Variants in ADAMTS12 observed in about 807,000 individuals in gnomAD.
The protein encoded by ADAMTS12 is A disintegrin and metalloproteinase with thrombospondin motifs 12.
A neutral mutation model predicts 167.8 loss-of-function variants in ADAMTS12; 118 were observed. That is an observed-to-expected ratio of 0.70 (90% CI 0.61 to 0.82). The LOEUF (loss-of-function observed/expected upper bound fraction) is 0.82. Ranked by LOEUF, ADAMTS12 falls within the 40% of genes least tolerant of loss-of-function variation. ADAMTS12 has a pLI of 0.00. For synonymous variants in ADAMTS12, 704 were observed against 716.9 expected (o/e 0.98, Z 0.29); for missense variants, 1,916 against 1,998.8 (o/e 0.96, Z 0.79).
At chr5:33,778,758 T>C (rs755834385) in intron 2 of ADAMTS12, among the ~76,000 whole-genome samples, 1 of 152,036 alleles carries the variant, frequency 6.6e-6, no homozygotes, top group Admixed American at 6.6e-5. Flanking sequence ...GAGAAAATAT[T>C]TGCAAATCAG....
intron 2 of ADAMTS12, among the ~76,000 whole-genome samples, chr5:33,817,612 C>G (rs1747712984): frequency 6.6e-6 from 1 of 152,134 alleles, no homozygotes; most frequent in South Asian, 2.1e-4. Context: ...CCACTTCCCC[C>G]AAACCACATC....
chr5:33,876,770 A>T (rs1166916863), intron 2 of ADAMTS12, among the ~76,000 whole-genome samples: 2 of 152,222 alleles, frequency 1.3e-5, no homozygotes, highest in African/African-American at 4.8e-5. Context: ...GTGATGGAAA[A>T]GTGTGTCATC....
chr5:33,612,176 TCAAA>T (rs1419870407), intron 16 of ADAMTS12, among the ~76,000 whole-genome samples: 9 of 152,340 alleles, frequency 5.9e-5, no homozygotes, highest in African/African-American at 2.2e-4. Flanking sequence ...TCGCCCTCAC[TCAAA>T]CAAACAGTGT....
In ADAMTS12 at chr5:33,591,231, T is replaced by C. The variant is rs548013705; in HGVS notation, c.2655-2422A>G. Among the ~76,000 whole-genome samples the C allele has an allele frequency of 6.0e-4, 91 of 152,172 alleles. No individual in the cohort carries two copies. The South Asian group carries it at 0.019, about 31-fold the overall frequency. Reference sequence around the variant, plus strand: ...GTAGAAGGGATGGGTTAGAGACCCTTTGAACCTCTCTTTTATTTTTAAAAG... The same window carrying C: ...GTAGAAGGGATGGGTTAGAGACCCTCTGAACCTCTCTTTTATTTTTAAAAG... On this transcript the variant is annotated intron_variant, in intron 17 of 23. Coordinates refer to ENST00000504830, the MANE Select transcript of ADAMTS12 (RefSeq NM_030955.4).
At chr5:33,680,832 A>G (rs959469789) in intron 5 of ADAMTS12, among the ~76,000 whole-genome samples, 4 of 152,168 alleles carry the variant, frequency 2.6e-5, no homozygotes, top group African/African-American at 7.2e-5. Flanking sequence ...TGAGATTGCT[A>G]AGTTAGATAC....
At position 33,588,753 on chromosome 5, in the gene ADAMTS12, T is replaced by G. The variant is rs568958735; in HGVS notation, c.2711A>C (p.Lys904Thr). 6.2e-7 allele frequency: 1 copy of G among 1,614,062 alleles called. No individual in the cohort carries two copies. Among genetic ancestry groups the G allele is most frequent in the South Asian group, 1.1e-5 (1 of 91,066 alleles). ...CSATCGPHGE[K>T]KRTVLCIQTM... is the part of the protein sequence containing the mutation. Reference sequence around the variant, plus strand: ...CTGGATGCACAGCACGGTTCGCTTCTTCTCCCCGTGGGGCCCGCATGTCGC... The same window carrying G: ...CTGGATGCACAGCACGGTTCGCTTCGTCTCCCCGTGGGGCCCGCATGTCGC... The change falls in exon 18 of 24, where the codon AAG (lysine) becomes ACG (threonine). Residue 904 changes from lysine (K) to threonine (T), a missense_variant. Transcript: ENST00000504830.
intron 2 of ADAMTS12, among the ~76,000 whole-genome samples, chr5:33,771,253 T>C (rs1745728535): frequency 6.6e-6 from 1 of 152,220 alleles, no homozygotes; most frequent in Non-Finnish European, 1.5e-5. Flanking sequence ...CATAACTAGA[T>C]CTTTATTCCT....
At position 33,598,904 on chromosome 5, in the gene ADAMTS12, A is replaced by T. The variant is rs142779123; in HGVS notation, c.2528-2844T>A. 5.1e-3 allele frequency among the ~76,000 whole-genome samples: 779 copies of T among 152,324 alleles called. 5 individuals carry two copies. The highest frequency in any genetic ancestry group is 0.018 in the African/African-American group (745 of 41,566). On this transcript the variant is annotated intron_variant, in intron 16 of 23. Coordinates refer to ENST00000504830, the MANE Select transcript of ADAMTS12 (RefSeq NM_030955.4). ...TGTGTGACTTCAGAGGCCAGATTAG[A>T]AAAGGCCAAGCAACTTCATCTGCTG...
intron 19 of ADAMTS12, among the ~76,000 whole-genome samples, chr5:33,574,528 A>G (rs1161126203): frequency 6.7e-6 from 1 of 149,336 alleles, no homozygotes; most frequent in Non-Finnish European, 1.5e-5. Flanking sequence ...GTTCTCACTC[A>G]TAGATGGGAA....
At chr5:33,627,389 T>G (rs1739710313) in intron 13 of ADAMTS12, among the ~76,000 whole-genome samples, 1 of 148,604 alleles carries the variant, frequency 6.7e-6, no homozygotes, top group Non-Finnish European at 1.5e-5. Flanking sequence ...GTGGTGGGAG[T>G]AGTGGTGGCG....
At chr5:33,747,786 T>C in intron 3 of ADAMTS12, among the ~76,000 whole-genome samples, 1 of 152,138 alleles carries the variant, frequency 6.6e-6, no homozygotes, top group Non-Finnish European at 1.5e-5. Context: ...TGCATTAAGA[T>C]TCCAAATCTC....
rs564755671 is a variant in ADAMTS12 at position 33,625,408 on chromosome 5, C to A, written c.2023-1057G>T. Among the ~76,000 whole-genome samples, 96 of 152,120 alleles carry A rather than the reference C, an allele frequency of 6.3e-4. 1 individual carries two copies. Among genetic ancestry groups the A allele is most frequent in the Non-Finnish European group, 1.1e-3 (78 of 68,022 alleles). ...CTATGAGTAAAATGCCAGCCCTTCA[C>A]AAGCAATATGTTTGCATCAAGCTTG... On this transcript the variant is annotated intron_variant, in intron 13 of 23. Transcript: ENST00000504830.
rs764423821 is a variant in ADAMTS12, at chr5:33,658,300, G to A, written c.1074C>T (p.Cys358=). The A allele has an allele frequency of 2.6e-5, 42 of 1,613,666 alleles. No homozygotes were observed. The highest frequency in any genetic ancestry group is 3.1e-5 in the Non-Finnish European group (36 of 1,179,664). ...AAAGGTGAGACAGGCCCAGGGTCTCGCAGGGGCGATTGAAACCAGCACAGA... is the reference window on the plus strand; with the variant it reads ...AAAGGTGAGACAGGCCCAGGGTCTCACAGGGGCGATTGAAACCAGCACAGA... ...KDICAGFNRP[C]ETLGLSHLSG... The change falls in exon 7 of 24, where the codon TGC becomes TGT. Residue 358 remains cysteine (C), a synonymous_variant. Coordinates refer to ENST00000504830, the MANE Select transcript of ADAMTS12 (RefSeq NM_030955.4).
intron 22 of ADAMTS12, among the ~76,000 whole-genome samples, chr5:33,542,904 G>C (rs1305919076): frequency 1.3e-5 from 2 of 152,114 alleles, no homozygotes; most frequent in African/African-American, 2.4e-5. Context: ...GCCCACAAGA[G>C]AAAGCAGGAA....
chr5:33,852,575 A>G (rs1171839192), intron 2 of ADAMTS12, among the ~76,000 whole-genome samples: 1 of 152,196 alleles, frequency 6.6e-6, no homozygotes, highest in African/African-American at 2.4e-5. Flanking sequence ...AAAATAGTTT[A>G]TTGTCCTCCC....
intron 22 of ADAMTS12, among the ~76,000 whole-genome samples, chr5:33,536,205 C>T (rs1030768087): frequency 1.3e-5 from 2 of 152,130 alleles, no homozygotes; most frequent in African/African-American, 2.4e-5. Context: ...GGCACAATCT[C>T]GGCTCACTGC....
intron 2 of ADAMTS12, among the ~76,000 whole-genome samples, chr5:33,832,123 T>G (rs767971586): frequency 2.6e-5 from 4 of 152,216 alleles, no homozygotes; most frequent in African/African-American, 9.6e-5. Flanking sequence ...ATCTGATAGA[T>G]TCACACGAAA....
intron 2 of ADAMTS12, among the ~76,000 whole-genome samples, chr5:33,760,057 G>A (rs12054731): frequency 0.37 from 55,513 of 151,950 alleles, 11,377 homozygotes; most frequent in East Asian, 0.58. Context: ...CGTGAGACCC[G>A]GGAATCTGCA....
At chr5:33,725,874 G>T (rs1191468444) in intron 3 of ADAMTS12, among the ~76,000 whole-genome samples, 1 of 152,176 alleles carries the variant, frequency 6.6e-6, no homozygotes, top group African/African-American at 2.4e-5. Flanking sequence ...GACTCAAGTG[G>T]GGACAACACT....
Sources: gnomAD v4.1 joint callset for allele counts (sites outside exome capture counted in the v4.1 genomes callset) on GRCh38, gnomAD v4.1.1 for gene constraint, MANE v1.5 for transcripts, NCBI Gene and HGNC (gene_info 2026-07-23, HGNC 2026-07-21) for gene names.